The following DLGAP2 variants were observed in gnomAD, a reference collection of about 807,000 sequenced individuals.
DLGAP2 encodes disks large-associated protein 2.
DLGAP2 carries 26 observed loss-of-function variants against 100.3 expected under a neutral mutation model. That is an observed-to-expected ratio of 0.26 (90% CI 0.19 to 0.36). The LOEUF (loss-of-function observed/expected upper bound fraction) is 0.36. Among genes scored for constraint, DLGAP2 ranks in the 10% least tolerant of loss-of-function variants. DLGAP2 has a pLI of 1.00. For synonymous variants in DLGAP2, 886 were observed against 630.1 expected, an observed-to-expected ratio of 1.41 and a Z score of -6.08; for missense variants, 1,858 against 1,453.2, an observed-to-expected ratio of 1.28 and a Z score of -4.53.
intron 2 of DLGAP2, among the ~76,000 whole-genome samples, chr8:1,236,307 C>T (rs1798653599): frequency 3.4e-5 from 2 of 58,748 alleles, no homozygotes; most frequent in African/African-American, 7.1e-5. Flanking sequence ...CTAGTTCTCT[C>T]ACATGGCGCC....
intron 3 of DLGAP2, among the ~76,000 whole-genome samples, chr8:1,279,299 A>G (rs1285328004): frequency 6.6e-6 from 1 of 152,228 alleles, no homozygotes; most frequent in Non-Finnish European, 1.5e-5. Flanking sequence ...CTTCACCTCA[A>G]TTTCAATCCA....
rs572813850 is a variant in DLGAP2, at chr8:1,064,952, G to A, written c.73+156986G>A. Among the ~76,000 whole-genome samples the A allele has an allele frequency of 2.6e-5, 4 of 152,358 alleles. No homozygotes were observed. In the East Asian group the frequency reaches 7.7e-4, roughly 29 times the overall value. On this transcript the variant is annotated intron_variant, in intron 2 of 14. Coordinates refer to ENST00000637795, the MANE Select transcript of DLGAP2 (RefSeq NM_001346810.2). Reference sequence around the variant, plus strand: ...AGAGCATTGCGGTATCATGAGAGGTGTAGAAAGGTGGTTTGAAAGGCATGC... The same window carrying A: ...AGAGCATTGCGGTATCATGAGAGGTATAGAAAGGTGGTTTGAAAGGCATGC...
At chr8:1,426,644 C>T (rs1159904288) in intron 3 of DLGAP2, among the ~76,000 whole-genome samples, 1 of 152,182 alleles carries the variant, frequency 6.6e-6, no homozygotes, top group Non-Finnish European at 1.5e-5. Flanking sequence ...CTAAGAGAAA[C>T]TCTTATTAAC....
chr8:1,029,428 A>G (rs552534512), intron 2 of DLGAP2, among the ~76,000 whole-genome samples: 1 of 152,330 alleles, frequency 6.6e-6, no homozygotes, highest in Non-Finnish European at 1.5e-5. Context: ...CATCAGGGAA[A>G]TCAATGGAAG....
chr8:1,522,083 T>A (rs1478286434), intron 4 of DLGAP2, among the ~76,000 whole-genome samples: 1 of 150,454 alleles, frequency 6.6e-6, no homozygotes, highest in African/African-American at 2.4e-5. Context: ...GGCAGGTGAT[T>A]TGGGGTGTCT....
At chr8:1,410,918 T>C (rs760001263) in intron 3 of DLGAP2, among the ~76,000 whole-genome samples, 1 of 152,058 alleles carries the variant, frequency 6.6e-6, no homozygotes, top group Non-Finnish European at 1.5e-5. Flanking sequence ...CATGTAAATA[T>C]CTTTACTTCT....
At chr8:1,087,274 T>C (rs74557192) in intron 2 of DLGAP2, among the ~76,000 whole-genome samples, 26 of 152,302 alleles carry the variant, frequency 1.7e-4, no homozygotes, top group African/African-American at 6.3e-4. Context: ...CTGAAGTCTT[T>C]CCTCTCTGTC....
chr8:1,073,638 G>C (rs1016877719), intron 2 of DLGAP2, among the ~76,000 whole-genome samples: 1 of 152,208 alleles, frequency 6.6e-6, no homozygotes, highest in Non-Finnish European at 1.5e-5. Context: ...CATGTGGAAG[G>C]GGATGCAAAG....
chr8:1,184,389 TG>T (rs1433011518), intron 2 of DLGAP2, among the ~76,000 whole-genome samples: 1 of 152,252 alleles, frequency 6.6e-6, no homozygotes, highest in Admixed American at 6.5e-5. Context: ...CGCAAGCTCA[TG>T]TCTTCCTTTC....
intron 2 of DLGAP2, among the ~76,000 whole-genome samples, chr8:1,225,768 A>G (rs1282562107): frequency 1.3e-5 from 2 of 152,222 alleles, no homozygotes; most frequent in Non-Finnish European, 1.5e-5. Flanking sequence ...GACTAAGTTC[A>G]AGACATCTAT....
chr8:1,292,866 C>T lies in DLGAP2; in HGVS notation c.106+33983C>T, dbSNP rs1017667199. On this transcript the variant is annotated intron_variant, in intron 3 of 14. Coordinates refer to ENST00000637795, the MANE Select transcript of DLGAP2 (RefSeq NM_001346810.2). Reference sequence around the variant, plus strand: ...ACACATCCCAAGCCTACGCTGCCTCCTCCAGCAACAGTGCCCACCCCGTGC... The same window carrying T: ...ACACATCCCAAGCCTACGCTGCCTCTTCCAGCAACAGTGCCCACCCCGTGC... 7.9e-5 allele frequency among the ~76,000 whole-genome samples: 12 copies of T among 152,310 alleles called. No homozygotes were observed. The South Asian group carries it at 2.5e-3, about 32-fold the overall frequency.
At chr8:860,343 G>A (rs538429564) in intron 1 of DLGAP2, among the ~76,000 whole-genome samples, 17 of 152,330 alleles carry the variant, frequency 1.1e-4, no homozygotes, top group South Asian at 8.3e-4. Context: ...TGACACCAGC[G>A]AATAGCAGAG....
At chr8:815,953 G>A (rs62488852) in intron 1 of DLGAP2, among the ~76,000 whole-genome samples, 1 of 152,094 alleles carries the variant, frequency 6.6e-6, no homozygotes, top group African/African-American at 2.4e-5. Flanking sequence ...CCTTTTTTCA[G>A]TGTATAATGC....
At chr8:1,143,704 C>A (rs1480563694) in intron 2 of DLGAP2, among the ~76,000 whole-genome samples, 2 of 152,228 alleles carry the variant, frequency 1.3e-5, no homozygotes, top group African/African-American at 4.8e-5. Context: ...ACACGCTGGC[C>A]ACCCTAAGTC....
intron 1 of DLGAP2, among the ~76,000 whole-genome samples, chr8:827,814 C>T (rs564251371): frequency 2.6e-5 from 4 of 152,256 alleles, no homozygotes; most frequent in East Asian, 1.9e-4. Flanking sequence ...CATTTATTAT[C>T]GGGGGACCTG....
chr8:1,233,193 A>C (rs1376511802), intron 2 of DLGAP2, among the ~76,000 whole-genome samples: 1 of 152,114 alleles, frequency 6.6e-6, no homozygotes, highest in Non-Finnish European at 1.5e-5. Context: ...TCTGTTTGTC[A>C]CTCATTGGAC....
intron 4 of DLGAP2, among the ~76,000 whole-genome samples, chr8:1,532,356 C>T (rs766861423): frequency 6.6e-6 from 1 of 152,162 alleles, no homozygotes; most frequent in Non-Finnish European, 1.5e-5. Context: ...CTGACTTTCT[C>T]ATTTGTATTT....
At chr8:1,571,118 GA>G (rs1460359340) in intron 6 of DLGAP2, among the ~76,000 whole-genome samples, 12 of 130,424 alleles carry the variant, frequency 9.2e-5, no homozygotes, top group African/African-American at 2.2e-4. Flanking sequence ...TGATGAGATG[GA>G]GAGGAGAAAG....
chr8:1,534,853 A>C (rs1297560423), intron 4 of DLGAP2, among the ~76,000 whole-genome samples: 2 of 152,214 alleles, frequency 1.3e-5, no homozygotes, highest in East Asian at 3.8e-4. Context: ...GTGTGTGTGA[A>C]ATCAGACTTT....
Sources: gnomAD v4.1 joint callset for allele counts (sites outside exome capture counted in the v4.1 genomes callset) on GRCh38, gnomAD v4.1.1 for gene constraint, MANE v1.5 for transcripts, NCBI Gene and HGNC (gene_info 2026-07-23, HGNC 2026-07-21) for gene names.